RAB24: variants seen among roughly 807,000 people sequenced by gnomAD.
RAB24 encodes RAB24, member RAS oncogene family, also known as ras-related protein Rab-24.
A neutral mutation model predicts 31.4 loss-of-function variants in RAB24; 9 were observed. The ratio of observed to expected loss-of-function variants is 0.29; its 90% CI spans 0.17 to 0.50. RAB24 has a LOEUF of 0.50. Among genes scored for constraint, RAB24 ranks in the 20% least tolerant of loss-of-function variants. The pLI is 0.98. For synonymous variants in RAB24, 106 were observed against 94.1 expected, an observed-to-expected ratio of 1.13 and a Z score of -0.73; for missense variants, 197 against 265.2, an observed-to-expected ratio of 0.74 and a Z score of 1.79.
rs1760675211 is a variant in RAB24, at chr5:177,301,965, T to A, written c.507A>T (p.Ala169=). The A allele has an allele frequency of 6.2e-7, 1 of 1,614,100 alleles. No homozygotes were observed. The highest frequency in any genetic ancestry group is 1.3e-5 in the African/African-American group (1 of 74,926). The change falls in exon 7 of 8, where the codon GCA becomes GCT. Residue 169 remains alanine (A), a synonymous_variant. Transcript: ENST00000303251. ...QSVDELFQKV[A]EDYVSVAAFQ... ...AGGCAGCCACACTGACGTAATCCTCTGCCACTTTCTGGAAGAGCTCGTCTG... is the reference window on the plus strand; with the variant it reads ...AGGCAGCCACACTGACGTAATCCTCAGCCACTTTCTGGAAGAGCTCGTCTG...
In RAB24 at chr5:177,303,692, C is replaced by T. The variant is rs1053709386; in HGVS notation, c.-404G>A. 40 of 360,668 alleles carry T rather than the reference C, an allele frequency of 1.1e-4. No individual in the cohort carries two copies. The highest frequency in any genetic ancestry group is 4.7e-4 in the African/African-American group (22 of 46,352). The allele number at this position is 360,668 out of a possible 1,614,324, so 22.3% of individuals were successfully genotyped here. On this transcript the variant is annotated 5_prime_UTR_variant, in exon 1 of 8. Transcript: ENST00000303251. This position sits in a 1 kb window ranked among gnomAD's most constrained non-coding sequence, Gnocchi z 6.1. ...CGCAACCCGGCTCCTACCCGCAGCG[C>T]CGCGACTCCCGCGGGAGGGGGCTAG... is the stretch of plus-strand genomic sequence containing the variant.
rs1760643790 is a variant in RAB24, at chr5:177,301,463, T to C, written c.*280A>G. 2.0e-6 allele frequency: 1 copy of C among 493,910 alleles called. No individual in the cohort carries two copies. The highest frequency in any genetic ancestry group is 3.7e-6 in the Non-Finnish European group (1 of 271,774). 30.6% of individuals were successfully genotyped at this position (493,910 alleles called of 1,614,324 possible). Reference sequence around the variant, plus strand: ...GAAAGGGGCTGGGTGTGATGCACAGTGCACTGATTTTATTTACAGATCAAA... The same window carrying C: ...GAAAGGGGCTGGGTGTGATGCACAGCGCACTGATTTTATTTACAGATCAAA... On this transcript the variant is annotated 3_prime_UTR_variant, in exon 8 of 8. Coordinates refer to ENST00000303251, the MANE Select transcript of RAB24 (RefSeq NM_001031677.4).
chr5:177,301,465 C>T lies in RAB24; in HGVS notation c.*278G>A. ...AAGGGGCTGGGTGTGATGCACAGTG[C>T]ACTGATTTTATTTACAGATCAAAAG... On this transcript the variant is annotated 3_prime_UTR_variant, in exon 8 of 8. Transcript: ENST00000303251. The T allele has an allele frequency of 4.0e-6, 2 of 500,910 alleles. No individual in the cohort carries two copies. Among genetic ancestry groups the T allele is most frequent in the East Asian group, 7.1e-5 (2 of 28,262 alleles). 31.0% of individuals were successfully genotyped at this position (500,910 alleles called of 1,614,324 possible). A position where few individuals can be genotyped will look rare whatever the true frequency, so the allele number is the denominator to read the frequency against.
Position 177,303,581 on chromosome 5 carries a change from C to T in RAB24, c.-293G>A, listed in dbSNP as rs906722346. On this transcript the variant is annotated 5_prime_UTR_variant, in exon 1 of 8. Transcript: ENST00000303251. The surrounding 1 kb of genome is among the most constrained non-coding windows in gnomAD (Gnocchi z 6.1). ...CGTCCTCAACAGCGCAGCACGCCGC[C>T]GTGCAGCTCGCTACTCCGTCATTCG... The T allele has an allele frequency of 3.9e-6, 2 of 514,536 alleles. No homozygotes were observed. Among genetic ancestry groups the T allele is most frequent in the Non-Finnish European group, 6.9e-6 (2 of 288,336 alleles). 31.9% of individuals were successfully genotyped at this position (514,536 alleles called of 1,614,324 possible). A position where few individuals can be genotyped will look rare whatever the true frequency, so the allele number is the denominator to read the frequency against.
chr5:177,301,980 G>C lies in RAB24; in HGVS notation c.492C>G (p.Leu164=). ...CGTAATCCTCTGCCACTTTCTGGAAGAGCTCGTCTGGCAGGAAAAATGATG... is the reference window on the plus strand; with the variant it reads ...CGTAATCCTCTGCCACTTTCTGGAACAGCTCGTCTGGCAGGAAAAATGATG... ...SSKTGQSVDE[L]FQKVAEDYVS... The change falls in exon 7 of 8, where the codon CTC becomes CTG. Residue 164 remains leucine, a synonymous_variant. Transcript: ENST00000303251. 6.2e-7 allele frequency: 1 copy of C among 1,614,216 alleles called. No homozygotes were observed. Among genetic ancestry groups the C allele is most frequent in the Admixed American group, 1.7e-5 (1 of 60,032 alleles).
rs1760765201 is a variant in RAB24 at position 177,303,650 on chromosome 5, C to T, written c.-362G>A. On this transcript the variant is annotated 5_prime_UTR_variant, in exon 1 of 8. Transcript: ENST00000303251. The surrounding 1 kb of genome is among the most constrained non-coding windows in gnomAD (Gnocchi z 6.1). ...GCTCCGTTCTGGCTGGGAATCCCAA[C>T]CGAACCTGGGGTCTCCCGCAACCCG... 7 of 407,266 alleles carry T rather than the reference C, an allele frequency of 1.7e-5. No homozygotes were observed. The South Asian group carries it at 2.8e-4, about 16-fold the overall frequency. The allele number at this position is 407,266 out of a possible 1,614,324, so 25.2% of individuals were successfully genotyped here.
Position 177,303,132 on chromosome 5 carries a change from T to TCC in RAB24, c.117+38_117+39dup. The stretch of plus-strand genomic sequence containing the variant: ...TAGGTGCAGATTACCGGCCCCCCAC[T>TCC]CCCCCGCCCACCGTGCCTGGCCCCT... On this transcript the variant is annotated intron_variant, in intron 1 of 7. Coordinates refer to ENST00000303251, the MANE Select transcript of RAB24 (RefSeq NM_001031677.4). This position sits in a 1 kb window ranked among gnomAD's most constrained non-coding sequence, Gnocchi z 6.1. 1 of 1,539,824 alleles carries TCC rather than the reference T, an allele frequency of 6.5e-7. No individual in the cohort carries two copies. The highest frequency in any genetic ancestry group is 9.0e-7 in the Non-Finnish European group (1 of 1,116,896).
chr5:177,302,308 TG>T, intron 5 of RAB24, 88 bp downstream of exon 5: 1 of 1,568,608 alleles, frequency 6.4e-7, no homozygotes, highest in Middle Eastern at 1.7e-4. Context: ...TAGAGCACCT[TG>T]CCCTGGCAGC....
rs1760650370 is a variant in RAB24 at position 177,301,565 on chromosome 5, C to T, written c.*178G>A. On this transcript the variant is annotated 3_prime_UTR_variant, in exon 8 of 8. Coordinates refer to ENST00000303251, the MANE Select transcript of RAB24 (RefSeq NM_001031677.4). Reference sequence around the variant, plus strand: ...GGTCCAAATCAGCCTTATCCCTCCTCATGCCCACAGTCAGCCCAATGCTGT... The same window carrying T: ...GGTCCAAATCAGCCTTATCCCTCCTTATGCCCACAGTCAGCCCAATGCTGT... 2 of 679,306 alleles carry T rather than the reference C, an allele frequency of 2.9e-6. No homozygotes were observed. Among genetic ancestry groups the T allele is most frequent in the South Asian group, 1.9e-5 (1 of 53,480 alleles). The allele number at this position is 679,306 out of a possible 1,614,324, so 42.1% of individuals were successfully genotyped here.
chr5:177,302,196 T>TAAAG lies in RAB24; in HGVS notation c.434-22_434-19dup, dbSNP rs749161211. The TAAAG allele has an allele frequency of 6.2e-7, 1 of 1,613,412 alleles. No individual in the cohort carries two copies. The highest frequency in any genetic ancestry group is 8.5e-7 in the Non-Finnish European group (1 of 1,179,322). Reference sequence around the variant, plus strand: ...TTTGATATCTGTAAAGAGAAGTGACTAAAGCCTCATACCTGAGAATTAGAT... The same window carrying TAAAG: ...TTTGATATCTGTAAAGAGAAGTGACTAAAGAAAGCCTCATACCTGAGAATTAGAT... On this transcript the variant is annotated intron_variant, in intron 5 of 7. Transcript: ENST00000303251.
chr5:177,301,455 A>AT lies in RAB24; in HGVS notation c.*287dup. On this transcript the variant is annotated 3_prime_UTR_variant, in exon 8 of 8. Coordinates refer to ENST00000303251, the MANE Select transcript of RAB24 (RefSeq NM_001031677.4). ...ACAGCAGGGAAAGGGGCTGGGTGTG[A>AT]TGCACAGTGCACTGATTTTATTTAC... The AT allele has an allele frequency of 2.2e-6, 1 of 462,250 alleles. No individual in the cohort carries two copies. Among genetic ancestry groups the AT allele is most frequent in the Middle Eastern group, 6.1e-4 (1 of 1,630 alleles). The allele number at this position is 462,250 out of a possible 1,614,324, so 28.6% of individuals were successfully genotyped here.
chr5:177,301,669 C>G lies in RAB24; in HGVS notation c.*74G>C. ...GGGGTAGCTCAGACATTTGACTACC[C>G]AAGCCCAGAAAGGAGCTGGGTCCAG... is the stretch of plus-strand genomic sequence containing the variant. On this transcript the variant is annotated 3_prime_UTR_variant, in exon 8 of 8. Transcript: ENST00000303251. The G allele has an allele frequency of 2.6e-6, 4 of 1,560,118 alleles. 1 individual carries two copies. In the South Asian group the frequency reaches 4.5e-5, roughly 17 times the overall value.
In RAB24 at chr5:177,302,128, CCA is replaced by C; in HGVS notation, c.482_483del (p.Val161GlyfsTer99). ...TGTGAGGCTCCAGCACAGCACTCAC[CCA>C]CACTCTGGCCTGTCTTGCTGGATGT... ...FETSSKTGQSVDELFQKVAED... is the reference protein window; with the variant it reads ...FETSSKTGQSXDELFQKVAED... On this transcript the variant is annotated frameshift_variant and splice_region_variant, in exon 6 of 8. Transcript: ENST00000303251. LOFTEE classifies it high-confidence loss of function. 1.9e-6 allele frequency: 3 copies of C among 1,614,144 alleles called. No individual in the cohort carries two copies. Among genetic ancestry groups the C allele is most frequent in the Non-Finnish European group, 2.5e-6 (3 of 1,179,984 alleles).
Position 177,303,408 on chromosome 5 carries a change from T to G in RAB24, c.-120A>C. 1.1e-6 allele frequency: 1 copy of G among 902,042 alleles called. No individual in the cohort carries two copies. Among genetic ancestry groups the G allele is most frequent in the Non-Finnish European group, 1.7e-6 (1 of 573,750 alleles). The allele number at this position is 902,042 out of a possible 1,614,324, so 55.9% of individuals were successfully genotyped here. On this transcript the variant is annotated 5_prime_UTR_variant, in exon 1 of 8. Coordinates refer to ENST00000303251, the MANE Select transcript of RAB24 (RefSeq NM_001031677.4). This position sits in a 1 kb window ranked among gnomAD's most constrained non-coding sequence, Gnocchi z 6.1. ...ACCCCGACCCCAAACGGCGCCAACC[T>G]ACGACTCCAGACAGCGCGTCGGGCT...
chr5:177,303,703 G>A lies in RAB24; in HGVS notation c.-415C>T, dbSNP rs948124008. ...TCCTACCCGCAGCGCCGCGACTCCC[G>A]CGGGAGGGGGCTAGAGGGCGAGGGG... On this transcript the variant is annotated 5_prime_UTR_variant, in exon 1 of 8. Coordinates refer to ENST00000303251, the MANE Select transcript of RAB24 (RefSeq NM_001031677.4). The surrounding 1 kb of genome is among the most constrained non-coding windows in gnomAD (Gnocchi z 6.1). The A allele has an allele frequency of 1.9e-5, 7 of 363,186 alleles. No homozygotes were observed. Among genetic ancestry groups the A allele is most frequent in the African/African-American group, 2.2e-5 (1 of 46,372 alleles). The allele number at this position is 363,186 out of a possible 1,614,324, so 22.5% of individuals were successfully genotyped here. A position where few individuals can be genotyped will look rare whatever the true frequency, so the allele number is the denominator to read the frequency against.
Position 177,301,619 on chromosome 5 carries a change from C to T in RAB24, c.*124G>A, listed in dbSNP as rs1174776461. The T allele has an allele frequency of 1.6e-5, 17 of 1,089,914 alleles. No homozygotes were observed. Among genetic ancestry groups the T allele is most frequent in the South Asian group, 5.6e-5 (4 of 71,366 alleles). The allele number at this position is 1,089,914 out of a possible 1,614,324, so 67.5% of individuals were successfully genotyped here. A position where few individuals can be genotyped will look rare whatever the true frequency, so the allele number is the denominator to read the frequency against. On this transcript the variant is annotated 3_prime_UTR_variant, in exon 8 of 8. Transcript: ENST00000303251. ...CGTTCCATGGGCCAGCACAGGCAGG[C>T]GCCACTCTGCTGACATGAGGACCTG...
chr5:177,303,712 G>A lies in RAB24; in HGVS notation c.-424C>T, dbSNP rs1760772038. 1 of 373,172 alleles carries A rather than the reference G, an allele frequency of 2.7e-6. No individual in the cohort carries two copies. The highest frequency in any genetic ancestry group is 4.8e-6 in the Non-Finnish European group (1 of 209,990). 23.1% of individuals were successfully genotyped at this position (373,172 alleles called of 1,614,324 possible). A position where few individuals can be genotyped will look rare whatever the true frequency, so the allele number is the denominator to read the frequency against. On this transcript the variant is annotated 5_prime_UTR_variant, in exon 1 of 8. Transcript: ENST00000303251. This position sits in a 1 kb window ranked among gnomAD's most constrained non-coding sequence, Gnocchi z 6.1. ...CAGCGCCGCGACTCCCGCGGGAGGG[G>A]GCTAGAGGGCGAGGGGGCGGGGCCG...
chr5:177,302,946 A>C, intron 2 of RAB24, 63 bp downstream of exon 2: 2 of 1,593,878 alleles, frequency 1.3e-6, no homozygotes, highest in South Asian at 2.2e-5. Flanking sequence ...TCAACCAGTA[A>C]TAGGCAGGAC....
In RAB24 at chr5:177,301,504, C is replaced by A. The variant is rs529553396; in HGVS notation, c.*239G>T. 1 of 575,822 alleles carries A rather than the reference C, an allele frequency of 1.7e-6. No homozygotes were observed. Among genetic ancestry groups the A allele is most frequent in the Non-Finnish European group, 3.1e-6 (1 of 322,508 alleles). The allele number at this position is 575,822 out of a possible 1,614,324, so 35.7% of individuals were successfully genotyped here. A position where few individuals can be genotyped will look rare whatever the true frequency, so the allele number is the denominator to read the frequency against. On this transcript the variant is annotated 3_prime_UTR_variant, in exon 8 of 8. Transcript: ENST00000303251. ...ACAGATCAAAAGCCACTTAAATAAT[C>A]TGCAGACACAAGTGCTGTCCAGGGC...
Sources: allele counts gnomAD v4.1 joint callset, GRCh38; gene constraint gnomAD v4.1.1; non-coding constraint Gnocchi (gnomAD v3.1); transcripts MANE v1.5; gene names NCBI Gene and HGNC (gene_info 2026-07-23, HGNC 2026-07-21).